SLC25A32: variants seen among roughly 807,000 people sequenced by gnomAD.
SLC25A32 encodes Glycine auxotroph B, complementation of hamster.
In SLC25A32, 32 loss-of-function variants were observed where a neutral mutation model predicts 39.0. The ratio of observed to expected loss-of-function variants is 0.82; its 90% confidence interval spans 0.62 to 1.10. SLC25A32 has a LOEUF of 1.10. SLC25A32 is among the 50% of genes least tolerant of loss of function. The pLI, the probability that SLC25A32 is intolerant of heterozygous loss-of-function variation, is 0.00. For missense variants in SLC25A32, 367 were observed against 395.3 expected (o/e 0.93, Z 0.61); for synonymous variants, 166 against 152.4 (o/e 1.09, Z -0.66).
rs765964316 is a variant in SLC25A32 at position 103,407,794 on chromosome 8, G to A, written c.155-10C>T. On this transcript the variant is annotated splice_polypyrimidine_tract_variant and intron_variant, in intron 1 of 6. Transcript: ENST00000297578. ...TCCAATCCATCACTCACTGCATCAA[G>A]GGATACACAAAGTCAGGTAAGAACA... is the stretch of plus-strand genomic sequence containing the variant. 2.5e-6 allele frequency: 4 copies of A among 1,610,772 alleles called. No individual in the cohort carries two copies. The highest frequency in any genetic ancestry group is 3.4e-6 in the Non-Finnish European group (4 of 1,178,064).
rs1045711708 is a variant in SLC25A32 at position 103,399,234 on chromosome 8, T to C, written c.*1177A>G. On this transcript the variant is annotated 3_prime_UTR_variant, in exon 7 of 7. Coordinates refer to ENST00000297578, the MANE Select transcript of SLC25A32 (RefSeq NM_030780.5). ...AAAACTGAAGTATAAAGTTTCTCAT[T>C]TCCATTTACCTTGTCAACAAACATA... The C allele has an allele frequency of 2.2e-4, 34 of 152,364 alleles. No homozygotes were observed. Among genetic ancestry groups the C allele is most frequent in the Non-Finnish European group, 4.7e-4 (32 of 68,026 alleles). 9.4% of individuals were successfully genotyped at this position (152,364 alleles called of 1,614,324 possible). A position where few individuals can be genotyped will look rare whatever the true frequency, so the allele number is the denominator to read the frequency against.
At chr8:103,412,163 G>T in intron 1 of SLC25A32, among the ~76,000 whole-genome samples, 1 of 152,074 alleles carries the variant, frequency 6.6e-6, no homozygotes, top group Middle Eastern at 3.4e-3. Context: ...CAAGCACTCT[G>T]TAAGTACTAG....
Position 103,400,213 on chromosome 8 carries a change from G to A in SLC25A32, c.*198C>T, listed in dbSNP as rs1202052090. The A allele has an allele frequency of 1.7e-6, 1 of 577,492 alleles. No individual in the cohort carries two copies. Among genetic ancestry groups the A allele is most frequent in the East Asian group, 3.0e-5 (1 of 33,228 alleles). 35.8% of individuals were successfully genotyped at this position (577,492 alleles called of 1,614,324 possible). A position where few individuals can be genotyped will look rare whatever the true frequency, so the allele number is the denominator to read the frequency against. ...ATGGCAGCCATTTCAGGCAGAGGTAGCCAAGTTCCATATATATGGGGAAGG... is the reference window on the plus strand; with the variant it reads ...ATGGCAGCCATTTCAGGCAGAGGTAACCAAGTTCCATATATATGGGGAAGG... On this transcript the variant is annotated 3_prime_UTR_variant, in exon 7 of 7. Transcript: ENST00000297578.
Position 103,402,062 on chromosome 8 carries a change from G to A in SLC25A32, c.553-8C>T, listed in dbSNP as rs769412148. The A allele has an allele frequency of 5.1e-6, 8 of 1,576,338 alleles. No individual in the cohort carries two copies. The highest frequency in any genetic ancestry group is 1.2e-5 in the South Asian group (1 of 84,144). ...CAGCCCAGGAACAAATCCCTACAAG[G>A]GAATGATTTTTAAAAAGCAAAACAA... On this transcript the variant is annotated splice_polypyrimidine_tract_variant and splice_region_variant and intron_variant, in intron 4 of 6. Transcript: ENST00000297578.
chr8:103,403,212 A>G lies in SLC25A32; in HGVS notation c.504T>C (p.Asp168=). Residue 168 remains aspartate (D), a synonymous_variant, in exon 4 of 7, where the codon GAT becomes GAC. Coordinates refer to ENST00000297578, the MANE Select transcript of SLC25A32 (RefSeq NM_030780.5). ...SPHRQYKGMF[D]TLVKIYKYEG... ...CATACTTATATATTTTCACAAGTGTATCAAACATTCCTTTATATTGTCGGT... is the reference window on the plus strand; with the variant it reads ...CATACTTATATATTTTCACAAGTGTGTCAAACATTCCTTTATATTGTCGGT... 1 of 1,612,466 alleles carries G rather than the reference A, an allele frequency of 6.2e-7. No individual in the cohort carries two copies. The highest frequency in any genetic ancestry group is 1.1e-5 in the South Asian group (1 of 90,962).
rs1424652169 is a variant in SLC25A32 at position 103,414,884 on chromosome 8, G to T, written c.54C>A (p.Phe18Leu). 6.2e-7 allele frequency: 1 copy of T among 1,612,908 alleles called. No homozygotes were observed. Among genetic ancestry groups the T allele is most frequent in the Non-Finnish European group, 8.5e-7 (1 of 1,179,730 alleles). The change falls in exon 1 of 7, where the codon TTC (phenylalanine) becomes TTA (leucine). Residue 18 changes from phenylalanine to leucine, a missense_variant. Transcript: ENST00000297578. ...TCAGGTTCTCATACCGGACGTGGCGGAATACCGTGCTCCACGCCGACGACC... is the reference window on the plus strand; with the variant it reads ...TCAGGTTCTCATACCGGACGTGGCGTAATACCGTGCTCCACGCCGACGACC... ...ASGSSAWSTV[F>L]RHVRYENLIA...
chr8:103,415,080 C>T lies in SLC25A32; in HGVS notation c.-143G>A. The stretch of plus-strand genomic sequence containing the variant: ...CGAGAGGACTCTTATGCCCAAGGCG[C>T]GTGAGCGAAGCCGGAGACTCTAGTA... On this transcript the variant is annotated 5_prime_UTR_variant, in exon 1 of 7. Transcript: ENST00000297578. 6.2e-7 allele frequency: 1 copy of T among 1,609,402 alleles called. No individual in the cohort carries two copies. Among genetic ancestry groups the T allele is most frequent in the East Asian group, 2.2e-5 (1 of 44,832 alleles).
intron 4 of SLC25A32, 111 bp downstream of exon 4, chr8:103,403,053 C>T: frequency 3.2e-6 from 2 of 632,984 alleles, no homozygotes; most frequent in African/African-American, 1.8e-5. Flanking sequence ...TGTTTTTTGC[C>T]TAAGTGTGGC....
chr8:103,401,557 C>A lies in SLC25A32; in HGVS notation c.771G>T (p.Met257Ile). The stretch of plus-strand genomic sequence containing the variant: ...TTACATCTATTACACCACTGTAAAA[C>A]ATGTGTTGATCCTGAAGACGAGCTC... ...VVRARLQDQH[M>I]FYSGVIDVIT... Residue 257 changes from methionine (M) to isoleucine (I), a missense_variant, in exon 6 of 7, where the codon ATG becomes ATT. By Grantham distance (10) the Met-to-Ile change is conservative. Coordinates refer to ENST00000297578, the MANE Select transcript of SLC25A32 (RefSeq NM_030780.5). 6.2e-7 allele frequency: 1 copy of A among 1,613,820 alleles called. No individual in the cohort carries two copies. Among genetic ancestry groups the A allele is most frequent in the African/African-American group, 1.3e-5 (1 of 75,042 alleles).
intron 2 of SLC25A32, among the ~76,000 whole-genome samples, chr8:103,407,025 C>G (rs1242934330): frequency 6.6e-6 from 1 of 152,164 alleles, no homozygotes; most frequent in Non-Finnish European, 1.5e-5. Context: ...GCAGGCTCTT[C>G]CAGTCTCTAC....
Position 103,414,818 on chromosome 8 carries a change from C to A in SLC25A32, c.120G>T (p.Leu40=). The A allele has an allele frequency of 6.2e-7, 1 of 1,613,818 alleles. No individual in the cohort carries two copies. Among genetic ancestry groups the A allele is most frequent in the East Asian group, 2.2e-5 (1 of 44,876 alleles). The change falls in exon 1 of 7, where the codon CTG becomes CTT. Residue 40 remains leucine (L), a synonymous_variant. Transcript: ENST00000297578. The stretch of plus-strand genomic sequence containing the variant: ...GGATCTTCACGAGGTCGAGCGGATG[C>A]AGCGCAAGGTTGGATAAGACGCCGC... The part of the protein sequence containing the change: ...VSGGVLSNLA[L]HPLDLVKIRF...
rs1223505314 is a variant in SLC25A32, at chr8:103,403,154, A to C, written c.552+10T>G. ...TTTCAGTTATTTAAAATATATTGAT[A>C]ATTTGTTACCTTATATAATCCACGC... On this transcript the variant is annotated intron_variant, in intron 4 of 6. Coordinates refer to ENST00000297578, the MANE Select transcript of SLC25A32 (RefSeq NM_030780.5). 2 of 1,549,268 alleles carry C rather than the reference A, an allele frequency of 1.3e-6. No individual in the cohort carries two copies. Among genetic ancestry groups the C allele is most frequent in the South Asian group, 2.4e-5 (2 of 82,808 alleles).
At chr8:103,407,272 G>A (rs1337297796) in intron 2 of SLC25A32, among the ~76,000 whole-genome samples, 1 of 152,148 alleles carries the variant, frequency 6.6e-6, no homozygotes, top group Admixed American at 6.5e-5. Flanking sequence ...GCTTACAAAA[G>A]TAATCAGTTA....
chr8:103,402,761 G>T (rs185979835), intron 4 of SLC25A32: 15 of 152,444 alleles, frequency 9.8e-5, no homozygotes, highest in African/African-American at 3.6e-4. Context: ...ATTTATGTAA[G>T]ATTTGAGATG....
At chr8:103,401,769 A>G (rs889778132) in intron 5 of SLC25A32, 108 bp from the exon 6 acceptor site, 14 of 1,088,144 alleles carry the variant, frequency 1.3e-5, no homozygotes, top group South Asian at 1.7e-5. Context: ...AAGGGATTCT[A>G]TTTTTGACAT....
chr8:103,399,201 T>C lies in SLC25A32; in HGVS notation c.*1210A>G, dbSNP rs1816165086. On this transcript the variant is annotated 3_prime_UTR_variant, in exon 7 of 7. Coordinates refer to ENST00000297578, the MANE Select transcript of SLC25A32 (RefSeq NM_030780.5). ...ATCATTTATTTGGGATCTAGATCCA[T>C]ATATCTGAAAACTGAAGTATAAAGT... The C allele has an allele frequency of 6.6e-6, 1 of 152,236 alleles. No individual in the cohort carries two copies. The highest frequency in any genetic ancestry group is 2.4e-5 in the African/African-American group (1 of 41,468). The allele number at this position is 152,236 out of a possible 1,614,324, so 9.4% of individuals were successfully genotyped here.
chr8:103,412,674 G>C (rs964832787), intron 1 of SLC25A32, among the ~76,000 whole-genome samples: 2 of 152,060 alleles, frequency 1.3e-5, no homozygotes, highest in African/African-American at 4.8e-5. Context: ...TAAATATCTT[G>C]AGGTTTTTTT....
At chr8:103,402,087 A>C in intron 4 of SLC25A32, 33 bp from the exon 5 acceptor site, 1 of 1,440,268 alleles carries the variant, frequency 6.9e-7, no homozygotes, top group Non-Finnish European at 9.6e-7. Flanking sequence ...AAGCAAAACA[A>C]CATACGTTTG....
chr8:103,400,478 C>G lies in SLC25A32; in HGVS notation c.881G>C (p.Cys294Ser). The part of the protein sequence containing the change: ...PNLIRVTPAC[C>S]ITFVVYENVS... The stretch of plus-strand genomic sequence containing the variant: ...GTTTTCATATACCACAAAGGTAATA[C>G]AGCAGGCTGGAGTCACTCTAATCAA... Residue 294 changes from cysteine to serine, a missense_variant, in exon 7 of 7, where the codon TGT (cysteine) becomes TCT (serine). Cys to Ser is a moderately radical substitution (Grantham distance 112). Transcript: ENST00000297578. 1.2e-6 allele frequency: 2 copies of G among 1,614,132 alleles called. No individual in the cohort carries two copies. The highest frequency in any genetic ancestry group is 1.1e-5 in the South Asian group (1 of 91,086).
Sources: allele counts gnomAD v4.1 joint callset (sites outside exome capture counted in the v4.1 genomes callset), GRCh38; gene constraint gnomAD v4.1.1; transcripts MANE v1.5; gene names NCBI Gene and HGNC (gene_info 2026-07-23, HGNC 2026-07-21).